Variants in ABI3BP observed in about 807,000 individuals in gnomAD.
ABI3BP encodes the protein target of Nesh-SH3.
A neutral mutation model predicts 268.6 loss-of-function variants in ABI3BP; 216 were observed. The ratio of observed to expected loss-of-function variants is 0.80; its 90% confidence interval spans 0.72 to 0.90. The LOEUF (loss-of-function observed/expected upper bound fraction) is 0.90, where lower values mean the gene tolerates loss of function less well. Among genes scored for constraint, ABI3BP ranks in the 40% least tolerant of loss-of-function variants. The pLI, the probability that ABI3BP is intolerant of heterozygous loss-of-function variation, is 0.00. For missense variants in ABI3BP, 2,090 were observed against 2,182.4 expected (o/e 0.96, Z 0.84); for synonymous variants, 730 against 730.0 (o/e 1.00, Z 0.00).
At position 100,886,147 on chromosome 3, in the gene ABI3BP, A is replaced by G; in HGVS notation, c.638T>C (p.Val213Ala). ...WSKIFNHKTV[V>A]GSKKVNGKIQ... is the part of the protein sequence containing the mutation. ...AAACATTTCTAGGTACTTACTTCCA[A>G]CAACAGTCTTGTGATTGAAAATCTT... Residue 213 changes from valine (V) to alanine (A), a missense_variant, in exon 5 of 68, where the codon GTT (valine) becomes GCT (alanine). Transcript: ENST00000471714. 1 of 1,583,818 alleles carries G rather than the reference A, an allele frequency of 6.3e-7. No individual in the cohort carries two copies. The highest frequency in any genetic ancestry group is 8.6e-7 in the Non-Finnish European group (1 of 1,167,884).
chr3:100,797,465 T>C (rs2097378670), intron 51 of ABI3BP, among the ~76,000 whole-genome samples: 1 of 151,958 alleles, frequency 6.6e-6, no homozygotes, highest in Non-Finnish European at 1.5e-5. Context: ...CAGTGTCTTT[T>C]TGTCAGGCAA....
chr3:100,762,813 A>G (rs1408877662), intron 63 of ABI3BP, among the ~76,000 whole-genome samples: 2 of 152,204 alleles, frequency 1.3e-5, no homozygotes, highest in African/African-American at 4.8e-5. Context: ...AGTTTCACAT[A>G]CTGAGGACTA....
intron 54 of ABI3BP, among the ~76,000 whole-genome samples, 197 bp downstream of exon 54, chr3:100,794,726 A>G (rs1188478301): frequency 6.6e-6 from 1 of 152,058 alleles, no homozygotes; most frequent in Non-Finnish European, 1.5e-5. Flanking sequence ...AGATGTGTTA[A>G]AACATTCTCA....
intron 16 of ABI3BP, 136 bp from the exon 17 acceptor site, chr3:100,850,255 T>C (rs2153030747): frequency 2.7e-6 from 2 of 737,610 alleles, no homozygotes; most frequent in East Asian, 5.4e-5. Context: ...CATGTAGTCT[T>C]GAAAGCTAGT....
At chr3:100,827,246 C>T (rs143210246) in intron 34 of ABI3BP, among the ~76,000 whole-genome samples, 22 of 152,306 alleles carry the variant, frequency 1.4e-4, no homozygotes, top group Admixed American at 2.6e-4. Flanking sequence ...AGCCTGCACA[C>T]TGCGAAGTAA....
At chr3:100,820,124 G>T in intron 40 of ABI3BP, 96 bp downstream of exon 40, 1 of 1,066,924 alleles carries the variant, frequency 9.4e-7, no homozygotes, top group Non-Finnish European at 1.4e-6. Flanking sequence ...TCATCCACAT[G>T]GTACTCACAC....
At chr3:100,840,226 A>G (rs2098671932) in intron 22 of ABI3BP, 62 bp from the exon 23 acceptor site, 1 of 1,229,246 alleles carries the variant, frequency 8.1e-7, no homozygotes, top group Non-Finnish European at 1.1e-6. Context: ...GATGATAAAT[A>G]TTACATCCAT....
intron 58 of ABI3BP, 90 bp from the exon 59 acceptor site, chr3:100,778,466 A>T (rs2096773337): frequency 8.9e-7 from 1 of 1,122,918 alleles, no homozygotes; most frequent in South Asian, 1.5e-5. Context: ...AATAAAAAAT[A>T]ATGTTTGATA....
At chr3:100,945,216 C>T (rs543575370) in intron 1 of ABI3BP, among the ~76,000 whole-genome samples, 9 of 152,040 alleles carry the variant, frequency 5.9e-5, no homozygotes, top group Non-Finnish European at 1.2e-4. Context: ...AATTTTTTCA[C>T]AGGTCTCCCC....
At position 100,804,899 on chromosome 3, in the gene ABI3BP, G is replaced by T. The variant is rs375921875; in HGVS notation, c.3683-33C>A. ...AGAGAACTCATATTGTAAGTCATTT[G>T]GTTTCAGCATCTTCCAGTCATGCTT... is the stretch of plus-strand genomic sequence containing the variant. On this transcript the variant is annotated intron_variant, in intron 50 of 67. Coordinates refer to ENST00000471714, the MANE Select transcript of ABI3BP (RefSeq NM_001375547.2). The T allele has an allele frequency of 2.4e-5, 37 of 1,570,176 alleles. No homozygotes were observed. The African/African-American group carries it at 4.7e-4, about 20-fold the overall frequency.
chr3:100,924,440 C>T (rs2061209138), intron 2 of ABI3BP, among the ~76,000 whole-genome samples: 1 of 152,058 alleles, frequency 6.6e-6, no homozygotes, highest in South Asian at 2.1e-4. Context: ...GAGATGCATA[C>T]TGAAACATTT....
intron 18 of ABI3BP, 150 bp from the exon 19 acceptor site, chr3:100,847,823 A>G (rs2098790213): frequency 1.5e-6 from 1 of 684,086 alleles, no homozygotes; most frequent in African/African-American, 1.8e-5. Flanking sequence ...GAATTGTTAA[A>G]CTGTCATAAC....
chr3:100,855,239 T>C (rs1446986994), intron 14 of ABI3BP, among the ~76,000 whole-genome samples: 1 of 152,226 alleles, frequency 6.6e-6, no homozygotes, highest in Non-Finnish European at 1.5e-5. Context: ...AATTATGTTT[T>C]GTTGATAGTA....
chr3:100,811,171 C>T (rs1578555566), intron 48 of ABI3BP, 59 bp downstream of exon 48: 16 of 1,393,274 alleles, frequency 1.1e-5, no homozygotes, highest in Non-Finnish European at 1.4e-5. Context: ...CAGAGGTTCT[C>T]AGGCGATGGT....
chr3:100,833,583 A>G (rs558764664), intron 29 of ABI3BP, among the ~76,000 whole-genome samples: 1 of 152,318 alleles, frequency 6.6e-6, no homozygotes, highest in Middle Eastern at 3.4e-3. Flanking sequence ...AAAACAGATA[A>G]TGCTGTTCTT....
intron 54 of ABI3BP, among the ~76,000 whole-genome samples, chr3:100,793,202 A>T (rs2097250126): frequency 6.6e-6 from 1 of 152,024 alleles, no homozygotes; most frequent in South Asian, 2.1e-4. Flanking sequence ...CATAAAACAA[A>T]TATTCTATTT....
intron 41 of ABI3BP, 43 bp downstream of exon 41, chr3:100,818,482 T>TAA: frequency 6.8e-7 from 1 of 1,468,726 alleles, no homozygotes. Context: ...GGTATGACAA[T>TAA]AAGCAGGAAA....
chr3:100,841,339 G>A (rs889946940), intron 21 of ABI3BP, among the ~76,000 whole-genome samples: 2 of 150,742 alleles, frequency 1.3e-5, no homozygotes, highest in African/African-American at 2.4e-5. Flanking sequence ...AAAAGTTAGA[G>A]TTTTGAAAGT....
rs60146880 is a variant in ABI3BP, at chr3:100,851,943, TAA to T, written c.1286-5_1286-4del. On this transcript the variant is annotated splice_polypyrimidine_tract_variant and splice_region_variant and intron_variant, in intron 14 of 67. Transcript: ENST00000471714. The stretch of plus-strand genomic sequence containing the variant: ...GCTTGAGAAAACATCATAAGTTGCT[TAA>T]AAAAAAAAAAAAGGCAAAACAAGAG... The T allele has an allele frequency of 1.4e-3, 1,878 of 1,371,174 alleles. No individual in the cohort carries two copies. The highest frequency in any genetic ancestry group is 2.3e-3 in the Admixed American group (90 of 39,014). 84.9% of individuals were successfully genotyped at this position (1,371,174 alleles called of 1,614,324 possible). A position where few individuals can be genotyped will look rare whatever the true frequency, so the allele number is the denominator to read the frequency against.
Sources: allele counts gnomAD v4.1 joint callset (sites outside exome capture counted in the v4.1 genomes callset), GRCh38; gene constraint gnomAD v4.1.1; transcripts MANE v1.5; gene names NCBI Gene and HGNC (gene_info 2026-07-23, HGNC 2026-07-21).